CTNND2: variants seen among roughly 807,000 people sequenced by gnomAD.
The protein encoded by CTNND2 is catenin delta-2.
A neutral mutation model predicts 144.4 loss-of-function variants in CTNND2; 22 were observed. The observed-to-expected ratio is 0.15, with a 90% CI of 0.11 to 0.22. The LOEUF (loss-of-function observed/expected upper bound fraction) is 0.22, where lower values mean the gene tolerates loss of function less well. CTNND2 is among the 10% of genes least tolerant of loss of function. The probability of loss-of-function intolerance (pLI) is 1.00; values close to 1 mark genes in which losing one functional copy is unlikely to be tolerated. For missense variants in CTNND2, 1,353 were observed against 1,618.8 expected, an observed-to-expected ratio of 0.84 and a Z score of 2.82; for synonymous variants, 751 against 695.6, an observed-to-expected ratio of 1.08 and a Z score of -1.25.
At chr5:11,532,711 A>C (rs1035328068) in intron 3 of CTNND2, among the ~76,000 whole-genome samples, 1 of 152,212 alleles carries the variant, frequency 6.6e-6, no homozygotes, top group African/African-American at 2.4e-5. Flanking sequence ...ATATCGCAAA[A>C]CAAAATCAAG....
At chr5:11,312,052 TGCCATACAC>T (rs1750997364) in intron 9 of CTNND2, among the ~76,000 whole-genome samples, 9 of 126,142 alleles carry the variant, frequency 7.1e-5, no homozygotes, top group Admixed American at 2.4e-4. Flanking sequence ...CACACACACT[TGCCATACAC>T]CCTTACCCCA....
At chr5:11,456,725 T>C (rs1370936018) in intron 3 of CTNND2, among the ~76,000 whole-genome samples, 1 of 152,230 alleles carries the variant, frequency 6.6e-6, no homozygotes, top group Admixed American at 6.5e-5. Flanking sequence ...TTAAAAATTA[T>C]TAAAAGATAA....
intron 14 of CTNND2, among the ~76,000 whole-genome samples, chr5:11,108,746 C>A (rs1051763765): frequency 1.3e-5 from 2 of 152,122 alleles, no homozygotes; most frequent in Non-Finnish European, 1.5e-5. Flanking sequence ...GTCAATCTCA[C>A]ACCAACAGCG....
At chr5:11,362,325 T>C (rs1756545953) in intron 8 of CTNND2, among the ~76,000 whole-genome samples, 3 of 152,202 alleles carry the variant, frequency 2.0e-5, no homozygotes, top group Admixed American at 1.3e-4. Flanking sequence ...GTCTTTAATA[T>C]CTAAATAAAA....
chr5:11,545,662 C>CAAAAAAAAAAAAAAAAAAAAAAAAAAA (rs34532125), intron 3 of CTNND2, among the ~76,000 whole-genome samples: 1 of 74,272 alleles, frequency 1.3e-5, no homozygotes, highest in Admixed American at 1.8e-4. Flanking sequence ...GACTGTGTCT[C>CAAAAAAAAAAAAAAAAAAAAAAAAAAA]AAAAAAAAAA....
chr5:10,974,133 C>A (rs1736154630), intron 21 of CTNND2, among the ~76,000 whole-genome samples: 1 of 152,210 alleles, frequency 6.6e-6, no homozygotes, highest in South Asian at 2.1e-4. Flanking sequence ...ATGGCAAGCA[C>A]CATTCTACTT....
chr5:11,275,304 A>G (rs1746416839), intron 9 of CTNND2, among the ~76,000 whole-genome samples: 7 of 152,214 alleles, frequency 4.6e-5, no homozygotes, highest in Admixed American at 4.6e-4. Flanking sequence ...AACCCAGAGC[A>G]TCTGGTGCCT....
chr5:11,631,142 A>G (rs891448861), intron 2 of CTNND2, among the ~76,000 whole-genome samples: 1 of 152,164 alleles, frequency 6.6e-6, no homozygotes, highest in Admixed American at 6.5e-5. Flanking sequence ...AGCTTTTCCT[A>G]TCTTGCTGTC....
chr5:11,240,311 CACCCAACACACACACACCCAACACACAT>C (rs1742144267), intron 9 of CTNND2, among the ~76,000 whole-genome samples: 2 of 122,216 alleles, frequency 1.6e-5, no homozygotes, highest in African/African-American at 3.2e-5. Context: ...AACACACATA[CACCCAACACACACACACCCAACACACAT>C]ACACCCAACA....
At chr5:11,514,674 T>TG (rs1368583522) in intron 3 of CTNND2, among the ~76,000 whole-genome samples, 1 of 152,128 alleles carries the variant, frequency 6.6e-6, no homozygotes, top group Admixed American at 6.5e-5. Context: ...ACAGGAGGTG[T>TG]CATTTTAGGC....
intron 3 of CTNND2, among the ~76,000 whole-genome samples, chr5:11,423,249 C>T (rs1296966626): frequency 6.6e-6 from 1 of 152,164 alleles, no homozygotes; most frequent in Admixed American, 6.5e-5. Flanking sequence ...ATTCTATATG[C>T]CACAATGATA....
chr5:11,434,385 C>G (rs540437530), intron 3 of CTNND2, among the ~76,000 whole-genome samples: 1 of 152,114 alleles, frequency 6.6e-6, no homozygotes, highest in Non-Finnish European at 1.5e-5. Context: ...GGGAAGACAG[C>G]GTAATATTCT....
chr5:11,837,688 G>C (rs1426553894), intron 1 of CTNND2, among the ~76,000 whole-genome samples: 1 of 151,830 alleles, frequency 6.6e-6, no homozygotes, highest in African/African-American at 2.4e-5. Flanking sequence ...TTGTTTGTTT[G>C]TTTTCTTTCT....
chr5:11,628,056 C>G (rs1581631615), intron 2 of CTNND2, among the ~76,000 whole-genome samples: 1 of 152,032 alleles, frequency 6.6e-6, no homozygotes, highest in Non-Finnish European at 1.5e-5. Flanking sequence ...TGGAGTAGTG[C>G]CAATCCATGG....
intron 16 of CTNND2, among the ~76,000 whole-genome samples, chr5:11,047,845 C>A (rs1390009057): frequency 6.6e-6 from 1 of 152,130 alleles, no homozygotes; most frequent in African/African-American, 2.4e-5. Flanking sequence ...TAGCAGGTGA[C>A]CCTGCTTGTA....
chr5:11,824,131 T>C (rs1460032157), intron 1 of CTNND2, among the ~76,000 whole-genome samples: 2 of 151,110 alleles, frequency 1.3e-5, no homozygotes, highest in African/African-American at 4.9e-5. Context: ...GAAACTCAAT[T>C]TAAATACTGA....
Position 11,539,693 on chromosome 5 carries a change from T to G in CTNND2, c.287+25251A>C, listed in dbSNP as rs188242816. 3.6e-3 allele frequency among the ~76,000 whole-genome samples: 541 copies of G among 152,312 alleles called. 2 individuals carry two copies. Among genetic ancestry groups the G allele is most frequent in the Middle Eastern group, 6.8e-3 (2 of 294 alleles). On this transcript the variant is annotated intron_variant, in intron 3 of 21. Transcript: ENST00000304623. ...ATGAAGCCTTCAATGCCACTGGGGC[T>G]CTCATGGCACTGCCACATGCTTGTT...
intron 12 of CTNND2, among the ~76,000 whole-genome samples, chr5:11,138,111 A>C (rs907793572): frequency 6.6e-6 from 1 of 152,216 alleles, no homozygotes; most frequent in African/African-American, 2.4e-5. Flanking sequence ...ACTGGTTGTC[A>C]GCTGAGGATC....
At chr5:11,714,318 A>G (rs1581762523) in intron 2 of CTNND2, among the ~76,000 whole-genome samples, 2 of 151,990 alleles carry the variant, frequency 1.3e-5, no homozygotes, top group East Asian at 1.9e-4. Flanking sequence ...ATTTTTTTTT[A>G]TGACCAGCTC....
Sources: gnomAD v4.1 joint callset for allele counts (sites outside exome capture counted in the v4.1 genomes callset) on GRCh38, gnomAD v4.1.1 for gene constraint, MANE v1.5 for transcripts, NCBI Gene and HGNC (gene_info 2026-07-23, HGNC 2026-07-21) for gene names.